The following FOXN2 variants were observed in gnomAD, a reference collection of about 807,000 sequenced individuals.
FOXN2 encodes the protein forkhead box N2.
FOXN2 carries 19 observed loss-of-function variants against 41.2 expected under a neutral mutation model. The ratio of observed to expected loss-of-function variants is 0.46; its 90% CI spans 0.32 to 0.68. FOXN2 has a LOEUF of 0.68. Ranked by LOEUF, FOXN2 falls within the 30% of genes least tolerant of loss-of-function variation. The pLI is 0.03. For missense variants in FOXN2, 587 were observed against 509.4 expected (o/e 1.15, Z -1.47); for synonymous variants, 195 against 176.8 (o/e 1.10, Z -0.82).
intron 2 of FOXN2, among the ~76,000 whole-genome samples, chr2:48,332,087 C>G (rs1243272842): frequency 1.3e-5 from 2 of 152,040 alleles, no homozygotes; most frequent in Non-Finnish European, 2.9e-5. Flanking sequence ...ATTAGTTGGA[C>G]ACAATGAATG....
intron 3 of FOXN2, among the ~76,000 whole-genome samples, chr2:48,358,247 T>A (rs1336569997): frequency 3.4e-5 from 5 of 148,470 alleles, no homozygotes; most frequent in African/African-American, 1.2e-4. Flanking sequence ...TCAACCAACA[T>A]GCAGCAACCC....
chr2:48,328,285 G>A (rs1235861379), intron 1 of FOXN2, among the ~76,000 whole-genome samples: 1 of 152,024 alleles, frequency 6.6e-6, no homozygotes, highest in African/African-American at 2.4e-5. Context: ...ATATCATGGG[G>A]GATTGATTCT....
rs768323972 is a variant in FOXN2 at position 48,346,362 on chromosome 2, G to A, written c.148G>A (p.Glu50Lys). 6.2e-7 allele frequency: 1 copy of A among 1,614,104 alleles called. No individual in the cohort carries two copies. The highest frequency in any genetic ancestry group is 1.3e-5 in the African/African-American group (1 of 74,938). Residue 50 changes from glutamate (E) to lysine (K), a missense_variant, in exon 3 of 7, where the codon GAG becomes AAG. By Grantham distance (56) the Glu-to-Lys change is moderately conservative. Coordinates refer to ENST00000340553, the MANE Select transcript of FOXN2 (RefSeq NM_002158.4). ...GCCGAAGGCCACTCTAGTGGACAGT[G>A]AGTCAGCAGATGATGAACTCACAAA... ...ARPKATLVDS[E>K]SADDELTNLN...
At chr2:48,317,431 G>A (rs1668993519) in intron 1 of FOXN2, among the ~76,000 whole-genome samples, 1 of 150,478 alleles carries the variant, frequency 6.6e-6, no homozygotes, top group Non-Finnish European at 1.5e-5. Flanking sequence ...CCTGGGCAAC[G>A]GGGCAAAACT....
intron 2 of FOXN2, 60 bp from the exon 3 acceptor site, chr2:48,346,141 C>A (rs752623652): frequency 9.1e-6 from 13 of 1,430,474 alleles, no homozygotes; most frequent in Non-Finnish European, 1.2e-5. Context: ...TATGTATTTT[C>A]TTTTTCCCAG....
intron 2 of FOXN2, among the ~76,000 whole-genome samples, chr2:48,337,307 T>TA (rs1315257586): frequency 1.3e-5 from 2 of 151,516 alleles, no homozygotes; most frequent in African/African-American, 4.9e-5. Context: ...TTTTTTTTTT[T>TA]AAAGTGAGAC....
At chr2:48,336,176 G>T (rs1670335956) in intron 2 of FOXN2, among the ~76,000 whole-genome samples, 2 of 152,058 alleles carry the variant, frequency 1.3e-5, no homozygotes, top group South Asian at 4.2e-4. Flanking sequence ...GGCCGAGGTG[G>T]GCAGATCACT....
rs768451785 is a variant in FOXN2, at chr2:48,377,460, C to G, written c.*2017C>G. Reference sequence around the variant, plus strand: ...TTTGTTCTGCTGAAATTCTGTATCACAAATGTGCTACCTGGTTTTTGTCCA... The same window carrying G: ...TTTGTTCTGCTGAAATTCTGTATCAGAAATGTGCTACCTGGTTTTTGTCCA... On this transcript the variant is annotated 3_prime_UTR_variant, in exon 7 of 7. Transcript: ENST00000340553. 6.6e-6 allele frequency: 1 copy of G among 152,164 alleles called. No individual in the cohort carries two copies. The highest frequency in any genetic ancestry group is 1.5e-5 in the Non-Finnish European group (1 of 67,916). 9.4% of individuals were successfully genotyped at this position (152,164 alleles called of 1,614,324 possible).
At position 48,375,477 on chromosome 2, in the gene FOXN2, A is replaced by C; in HGVS notation, c.*34A>C. The C allele has an allele frequency of 6.5e-7, 1 of 1,544,312 alleles. No individual in the cohort carries two copies. Among genetic ancestry groups the C allele is most frequent in the Non-Finnish European group, 8.7e-7 (1 of 1,145,404 alleles). ...AAAGTGTGGCAATACTCTTTCACTTAATTCTTTACAAGGGATATCAAAGCC... is the reference window on the plus strand; with the variant it reads ...AAAGTGTGGCAATACTCTTTCACTTCATTCTTTACAAGGGATATCAAAGCC... On this transcript the variant is annotated 3_prime_UTR_variant, in exon 7 of 7. Transcript: ENST00000340553.
In FOXN2 at chr2:48,337,258, G is replaced by C. The variant is rs530552203; in HGVS notation, c.-15+8556G>C. On this transcript the variant is annotated intron_variant, in intron 2 of 6. Transcript: ENST00000340553. The stretch of plus-strand genomic sequence containing the variant: ...CTTATTTCACTTAACATGATCTCCA[G>C]TTCCATCCATGTTGTTGCATATGAT... 3.9e-4 allele frequency among the ~76,000 whole-genome samples: 59 copies of C among 149,540 alleles called. No homozygotes were observed. The South Asian group carries it at 7.5e-3, about 19-fold the overall frequency.
chr2:48,328,419 T>C (rs1669819717), intron 1 of FOXN2, 142 bp from the exon 2 acceptor site: 1 of 152,350 alleles, frequency 6.6e-6, no homozygotes, highest in Non-Finnish European at 1.5e-5. Context: ...AGATTACTTA[T>C]AATACCTAAT....
At chr2:48,343,480 T>C (rs1351716956) in intron 2 of FOXN2, among the ~76,000 whole-genome samples, 1 of 152,178 alleles carries the variant, frequency 6.6e-6, no homozygotes, top group Non-Finnish European at 1.5e-5. Flanking sequence ...TTATCCCAGC[T>C]AGGCATGGTG....
In FOXN2 at chr2:48,374,991, A is replaced by G; in HGVS notation, c.844A>G (p.Ser282Gly). Residue 282 changes from serine (S) to glycine (G), a missense_variant, in exon 7 of 7, where the codon AGT (serine) becomes GGT (glycine). Coordinates refer to ENST00000340553, the MANE Select transcript of FOXN2 (RefSeq NM_002158.4). ...RSYGNAFHHP[S>G]AVRLQESDSL... ...TTACGGCAATGCATTTCATCATCCC[A>G]GTGCTGTACGATTACAAGAGAGTGA... 6.2e-7 allele frequency: 1 copy of G among 1,614,028 alleles called. No homozygotes were observed. Among genetic ancestry groups the G allele is most frequent in the Non-Finnish European group, 8.5e-7 (1 of 1,179,954 alleles).
chr2:48,362,790 C>CA (rs1672280282), intron 5 of FOXN2, 83 bp downstream of exon 5: 1 of 1,158,670 alleles, frequency 8.6e-7, no homozygotes, highest in South Asian at 1.3e-5. Flanking sequence ...TGGTGGTCCC[C>CA]TAAGATTATA....
chr2:48,316,282 A>G (rs1371693686), intron 1 of FOXN2, among the ~76,000 whole-genome samples: 1 of 152,092 alleles, frequency 6.6e-6, no homozygotes. Flanking sequence ...AAACCTCAGC[A>G]TTATTAGGTA....
intron 4 of FOXN2, among the ~76,000 whole-genome samples, 161 bp from the exon 5 acceptor site, chr2:48,362,482 T>A (rs1318835492): frequency 6.6e-6 from 1 of 152,042 alleles, no homozygotes; most frequent in Non-Finnish European, 1.5e-5. Context: ...GGTGGGAGGA[T>A]CACCTGAGCT....
chr2:48,336,347 G>T (rs188243372), intron 2 of FOXN2, among the ~76,000 whole-genome samples: 3,100 of 150,850 alleles, frequency 0.021, 49 homozygotes, highest in South Asian at 0.052. Context: ...GGGGGAGGTT[G>T]CTTTGAGCTG....
chr2:48,363,386 G>T (rs796171835), intron 5 of FOXN2, among the ~76,000 whole-genome samples: 2 of 129,480 alleles, frequency 1.5e-5, no homozygotes, highest in Non-Finnish European at 1.6e-5. Flanking sequence ...AAATTAAAAA[G>T]TTTATAAAGT....
At chr2:48,314,055 C>G (rs1051932992), upstream of FOXN2, among the ~76,000 whole-genome samples, 3 of 152,242 alleles carry the variant, frequency 2.0e-5, no homozygotes, top group African/African-American at 7.2e-5. Flanking sequence ...TGACTTGTTT[C>G]CACAGAACAT....
Sources: gnomAD v4.1 joint callset for allele counts (sites outside exome capture counted in the v4.1 genomes callset) on GRCh38, gnomAD v4.1.1 for gene constraint, MANE v1.5 for transcripts, NCBI Gene and HGNC (gene_info 2026-07-23, HGNC 2026-07-21) for gene names.